CNTN3: variants seen among roughly 807,000 people sequenced by gnomAD.
CNTN3 encodes the protein contactin 3.
A neutral mutation model predicts 119.1 loss-of-function variants in CNTN3; 60 were observed. That is an observed-to-expected ratio of 0.50 (90% confidence interval 0.41 to 0.62). The LOEUF (loss-of-function observed/expected upper bound fraction) is 0.62. Among genes scored for constraint, CNTN3 ranks in the 20% least tolerant of loss-of-function variants. The probability of loss-of-function intolerance (pLI) is 0.00; values close to 1 mark genes in which losing one functional copy is unlikely to be tolerated. For synonymous variants in CNTN3, 450 were observed against 438.7 expected (o/e 1.03, Z -0.32); for missense variants, 1,101 against 1,242.4 (o/e 0.89, Z 1.71).
chr3:74,588,133 C>T (rs1433197448), intron 1 of CNTN3, among the ~76,000 whole-genome samples: 2 of 152,008 alleles, frequency 1.3e-5, no homozygotes, highest in African/African-American at 2.4e-5. Flanking sequence ...AGGATGAAGC[C>T]CACTTGACCA....
At chr3:74,411,536 A>G (rs7634319) in intron 5 of CNTN3, among the ~76,000 whole-genome samples, 114,138 of 152,114 alleles carry the variant, frequency 0.75, 42,933 homozygotes, top group East Asian at 0.81. Context: ...AGAAAGATGC[A>G]TTCTTGTTTC....
At chr3:74,528,435 T>A (rs184637133) in intron 1 of CNTN3, among the ~76,000 whole-genome samples, 1 of 151,908 alleles carries the variant, frequency 6.6e-6, no homozygotes, top group South Asian at 2.1e-4. Context: ...ATTTACCAAC[T>A]GGAAAATGTA....
chr3:74,285,839 A>ATATATATATATAT (rs1575698065), intron 19 of CNTN3, among the ~76,000 whole-genome samples: 1 of 133,294 alleles, frequency 7.5e-6, no homozygotes, highest in Non-Finnish European at 1.6e-5. Context: ...ATATATATAT[A>ATATATATATATAT]AAATTAAAAA....
At chr3:74,375,353 G>A (rs1575670004) in intron 5 of CNTN3, among the ~76,000 whole-genome samples, 1 of 152,274 alleles carries the variant, frequency 6.6e-6, no homozygotes, top group South Asian at 2.1e-4. Context: ...GAGTGGCTGG[G>A]AGATTCAAAT....
chr3:74,366,674 T>A (rs532334895), intron 8 of CNTN3, among the ~76,000 whole-genome samples: 4 of 151,244 alleles, frequency 2.6e-5, no homozygotes, highest in Non-Finnish European at 5.9e-5. Context: ...ATTACTTTTT[T>A]ATAAATGAAA....
chr3:74,360,490 G>A (rs1436111915), intron 11 of CNTN3, among the ~76,000 whole-genome samples: 1 of 152,124 alleles, frequency 6.6e-6, no homozygotes, highest in Non-Finnish European at 1.5e-5. Context: ...ATTTAAAAGT[G>A]ATAATTCACT....
At position 74,499,712 on chromosome 3, in the gene CNTN3, A is replaced by G. The variant is rs781342829; in HGVS notation, c.129T>C (p.Asp43=). 3 of 1,611,784 alleles carry G rather than the reference A, an allele frequency of 1.9e-6. No individual in the cohort carries two copies. The highest frequency in any genetic ancestry group is 2.2e-5 in the South Asian group (2 of 90,976). ...CTTCACAATGCAAAGTTATTTTTTT[A>G]TCTTCTGAACCAACAGGGAAAATGC... ...SNSIFPVGSE[D]KKITLHCEAR... Residue 43 remains aspartate, a synonymous_variant, in exon 3 of 23, where the codon GAT becomes GAC. Coordinates refer to ENST00000263665, the MANE Select transcript of CNTN3 (RefSeq NM_020872.3).
At chr3:74,539,603 T>C (rs944640734) in intron 1 of CNTN3, among the ~76,000 whole-genome samples, 3 of 152,172 alleles carry the variant, frequency 2.0e-5, no homozygotes, top group African/African-American at 7.2e-5. Flanking sequence ...AAAAAATTAA[T>C]ACGTCATCAT....
chr3:74,375,112 T>G (rs1704446584), intron 5 of CNTN3, among the ~76,000 whole-genome samples: 2 of 152,144 alleles, frequency 1.3e-5, no homozygotes, highest in Non-Finnish European at 2.9e-5. Context: ...AAATGATATG[T>G]AACTGAATAA....
chr3:74,524,355 T>C (rs1467449711), intron 1 of CNTN3, among the ~76,000 whole-genome samples: 1 of 151,828 alleles, frequency 6.6e-6, no homozygotes, highest in Non-Finnish European at 1.5e-5. Context: ...CTCATAGAGT[T>C]TATCAACTAT....
At chr3:74,294,768 G>T (rs1349789687) in intron 19 of CNTN3, among the ~76,000 whole-genome samples, 1 of 152,038 alleles carries the variant, frequency 6.6e-6, no homozygotes, top group African/African-American at 2.4e-5. Flanking sequence ...AAGAAAGTAA[G>T]ACAAAGAGCT....
At position 74,419,398 on chromosome 3, in the gene CNTN3, G is replaced by GAA. The variant is rs66565038; in HGVS notation, c.454+5445_454+5446dup. On this transcript the variant is annotated intron_variant, in intron 5 of 22. Coordinates refer to ENST00000263665, the MANE Select transcript of CNTN3 (RefSeq NM_020872.3). ...TTTCAGTCTATCCATCTTGGGTAAA[G>GAA]AAAAAAAAATAAAGATGCTGATACA... Among the ~76,000 whole-genome samples the GAA allele has an allele frequency of 5.3e-5, 8 of 150,822 alleles. No individual in the cohort carries two copies. In the South Asian group the frequency reaches 6.3e-4, roughly 12 times the overall value.
intron 1 of CNTN3, among the ~76,000 whole-genome samples, chr3:74,576,611 A>G (rs1704421595): frequency 6.6e-6 from 1 of 152,152 alleles, no homozygotes; most frequent in African/African-American, 2.4e-5. Context: ...GAGTGATCAC[A>G]CTTATTCTAT....
rs1250015706 is a variant in CNTN3 at position 74,334,685 on chromosome 3, G to T, written c.1668+50C>A. Reference sequence around the variant, plus strand: ...GTCAGACAGTTTTCAGAAGCAATGTGCCAGAGACACATGCAATATAAAAAG... The same window carrying T: ...GTCAGACAGTTTTCAGAAGCAATGTTCCAGAGACACATGCAATATAAAAAG... On this transcript the variant is annotated intron_variant, in intron 13 of 22. Transcript: ENST00000263665. The T allele has an allele frequency of 3.3e-6, 5 of 1,513,582 alleles. No homozygotes were observed. The Admixed American group carries it at 5.3e-5, about 16-fold the overall frequency. The allele number at this position is 1,513,582 out of a possible 1,614,324, so 93.8% of individuals were successfully genotyped here.
intron 1 of CNTN3, among the ~76,000 whole-genome samples, chr3:74,600,048 T>G (rs977076073): frequency 6.6e-6 from 1 of 152,030 alleles, no homozygotes; most frequent in African/African-American, 2.4e-5. Context: ...AGTTTTTTAT[T>G]TATCTCCATG....
intron 13 of CNTN3, among the ~76,000 whole-genome samples, chr3:74,330,573 A>G (rs922472632): frequency 2.0e-5 from 3 of 152,226 alleles, no homozygotes; most frequent in Non-Finnish European, 4.4e-5. Context: ...TTACTATACC[A>G]TACTTTATAT....
At chr3:74,265,908 C>T (rs186119699) in intron 22 of CNTN3, among the ~76,000 whole-genome samples, 23 of 152,170 alleles carry the variant, frequency 1.5e-4, no homozygotes, top group East Asian at 5.8e-4. Context: ...TGATAAAATA[C>T]GCAAACCAAA....
intron 1 of CNTN3, among the ~76,000 whole-genome samples, chr3:74,613,981 T>TG (rs1204500917): frequency 5.3e-5 from 8 of 152,182 alleles, no homozygotes; most frequent in Admixed American, 5.2e-4. Flanking sequence ...AATCTGGGCC[T>TG]GGGGGGTGGT....
intron 5 of CNTN3, among the ~76,000 whole-genome samples, chr3:74,384,436 G>C (rs760860346): frequency 1.3e-5 from 2 of 152,190 alleles, no homozygotes; most frequent in Non-Finnish European, 2.9e-5. Context: ...AAGAGCATTA[G>C]ATTCTGCCTT....
Sources: allele counts gnomAD v4.1 joint callset (sites outside exome capture counted in the v4.1 genomes callset), GRCh38; gene constraint gnomAD v4.1.1; transcripts MANE v1.5; gene names NCBI Gene and HGNC (gene_info 2026-07-23, HGNC 2026-07-21).